KDM8: variants seen among roughly 807,000 people sequenced by gnomAD.
KDM8 encodes bifunctional peptidase and arginyl-hydroxylase JMJD5.
Under a neutral mutation model 46.9 loss-of-function variants are expected in KDM8, and 35 were observed. The observed-to-expected ratio is 0.75, with a 90% CI of 0.57 to 0.99. The LOEUF (loss-of-function observed/expected upper bound fraction) is 0.99, where lower values mean the gene tolerates loss of function less well. Ranked by LOEUF, KDM8 falls within the 50% of genes least tolerant of loss-of-function variation. The pLI is 0.00. For synonymous variants in KDM8, 232 were observed against 227.7 expected, an observed-to-expected ratio of 1.02 and a Z score of -0.17; for missense variants, 475 against 537.0, an observed-to-expected ratio of 0.88 and a Z score of 1.14.
At chr16:27,209,792 A>G (rs2083462645) in intron 1 of KDM8, among the ~76,000 whole-genome samples, 1 of 152,220 alleles carries the variant, frequency 6.6e-6, no homozygotes, top group Non-Finnish European at 1.5e-5. Context: ...TGGGCTTTAA[A>G]GGTTGGGTAG....
intron 3 of KDM8, 26 bp from the exon 4 acceptor site, chr16:27,214,850 G>A (rs751011660): frequency 6.8e-6 from 11 of 1,613,276 alleles, no homozygotes; most frequent in Admixed American, 3.3e-5. Flanking sequence ...TAGCAGTGAC[G>A]ATGCCAATGT....
intron 1 of KDM8, 79 bp from the exon 2 acceptor site, chr16:27,210,014 A>G: frequency 7.1e-7 from 1 of 1,406,638 alleles, no homozygotes; most frequent in Non-Finnish European, 9.6e-7. Context: ...CTCGCAGATG[A>G]GATGCAGGAA....
Position 27,203,535 on chromosome 16 carries a change from C to T in KDM8, c.-133C>T, listed in dbSNP as rs1195520915. 1 of 152,884 alleles carries T rather than the reference C, an allele frequency of 6.5e-6. No homozygotes were observed. Among genetic ancestry groups the T allele is most frequent in the Non-Finnish European group, 1.5e-5 (1 of 68,198 alleles). 9.5% of individuals were successfully genotyped at this position (152,884 alleles called of 1,614,324 possible). Reference sequence around the variant, plus strand: ...GCGGTGAGCGATCGATACTCCTATGCTAGCCTCTGGCTCCTCAGGGGACAC... The same window carrying T: ...GCGGTGAGCGATCGATACTCCTATGTTAGCCTCTGGCTCCTCAGGGGACAC... On this transcript the variant is annotated 5_prime_UTR_variant, in exon 1 of 8. Transcript: ENST00000286096.
In KDM8 at chr16:27,215,978, C is replaced by T. The variant is rs1339451986; in HGVS notation, c.832C>T (p.Leu278Phe). The T allele has an allele frequency of 1.9e-6, 3 of 1,614,190 alleles. No homozygotes were observed. Among genetic ancestry groups the T allele is most frequent in the East Asian group, 2.2e-5 (1 of 44,866 alleles). ...RDVGYLAQHQ[L>F]FDQIPELKQD... ...CGTCGGGTACCTTGCTCAGCACCAG[C>T]TCTTTGACCAGGTAAGTCTGAGGCC... The change falls in exon 5 of 8, where the codon CTC (leucine) becomes TTC (phenylalanine). Residue 278 changes from leucine to phenylalanine, a missense_variant. Physicochemically the swap from Leu to Phe is conservative, Grantham distance 22. Transcript: ENST00000286096.
At chr16:27,219,486 A>T (rs1361673868) in intron 6 of KDM8, among the ~76,000 whole-genome samples, 2 of 152,176 alleles carry the variant, frequency 1.3e-5, no homozygotes, top group Admixed American at 6.5e-5. Context: ...AGTCACTGGG[A>T]GGTTTTTTTC....
At chr16:27,204,236 C>T in intron 1 of KDM8, 1 of 1,422,672 alleles carries the variant, frequency 7.0e-7, no homozygotes, top group Non-Finnish European at 9.2e-7. Flanking sequence ...GCTTGTAGCT[C>T]GGTAGGACTT....
intron 1 of KDM8, among the ~76,000 whole-genome samples, chr16:27,205,617 A>T (rs1461872042): frequency 2.0e-5 from 3 of 152,080 alleles, no homozygotes; most frequent in Non-Finnish European, 4.4e-5. Flanking sequence ...CAAGCAGATC[A>T]CCCTGAGGTC....
chr16:27,204,304 C>T, intron 1 of KDM8: 3 of 1,380,618 alleles, frequency 2.2e-6, no homozygotes, highest in Non-Finnish European at 1.9e-6. Context: ...CTCAGGAGGA[C>T]TCGGGAGCAA....
intron 4 of KDM8, 107 bp from the exon 5 acceptor site, chr16:27,215,838 G>C: frequency 8.7e-7 from 1 of 1,146,318 alleles, no homozygotes; most frequent in Non-Finnish European, 1.3e-6. Context: ...GGAGTGGAAG[G>C]GTGACGGGTG....
intron 4 of KDM8, among the ~76,000 whole-genome samples, chr16:27,215,358 T>C (rs1411900900): frequency 6.6e-6 from 1 of 152,136 alleles, no homozygotes; most frequent in African/African-American, 2.4e-5. Context: ...GGCAGGCGGA[T>C]CACTTGAAAC....
intron 5 of KDM8, among the ~76,000 whole-genome samples, chr16:27,217,942 T>G (rs2083573175): frequency 6.6e-6 from 1 of 151,944 alleles, no homozygotes; most frequent in Admixed American, 6.6e-5. Flanking sequence ...CGGAGGTAAC[T>G]GAGGTGCCTG....
At position 27,218,281 on chromosome 16, in the gene KDM8, GA is replaced by G. The variant is rs201690747; in HGVS notation, c.844-670del. 9.7e-3 allele frequency among the ~76,000 whole-genome samples: 1,448 copies of G among 149,710 alleles called. 8 individuals carry two copies. Among genetic ancestry groups the G allele is most frequent in the Middle Eastern group, 0.031 (9 of 294 alleles). On this transcript the variant is annotated intron_variant, in intron 5 of 7. Transcript: ENST00000286096. ...TGGGTGACAGAACAAGACTGTCTTT[GA>G]AAAAAAAAATTACAATAAATAAATA...
At position 27,210,499 on chromosome 16, in the gene KDM8, G is replaced by T; in HGVS notation, c.376G>T (p.Gly126Cys). The T allele has an allele frequency of 6.4e-7, 1 of 1,568,126 alleles. No homozygotes were observed. The stretch of plus-strand genomic sequence containing the variant: ...CGCAGCCCTGCGGGTCTGTGACATG[G>T]GCCTGCTGATGGGGGCAGCCATCCT... ...VAAALRVCDMGLLMGAAILGD... is the reference protein window; with the variant it reads ...VAAALRVCDMCLLMGAAILGD... The change falls in exon 2 of 8, where the codon GGC (glycine) becomes TGC (cysteine). Residue 126 changes from glycine to cysteine, a missense_variant. Gly to Cys is a radical substitution (Grantham distance 159). Coordinates refer to ENST00000286096, the MANE Select transcript of KDM8 (RefSeq NM_024773.3).
rs2083525365 is a variant in KDM8, at chr16:27,214,520, G to A, written c.666-356G>A. 1.2e-5 allele frequency: 3 copies of A among 250,040 alleles called. No individual in the cohort carries two copies. In the South Asian group the frequency reaches 1.7e-4, roughly 14 times the overall value. 15.5% of individuals were successfully genotyped at this position (250,040 alleles called of 1,614,324 possible). ...CCAGGCTAGAGGGCAGAGTCCAGGA[G>A]ACTGCCACCTGCCACGCTGTCCGCT... On this transcript the variant is annotated intron_variant, in intron 3 of 7. Coordinates refer to ENST00000286096, the MANE Select transcript of KDM8 (RefSeq NM_024773.3).
intron 1 of KDM8, chr16:27,204,495 C>G (rs1441801862): frequency 4.7e-6 from 2 of 423,498 alleles, no homozygotes; most frequent in Non-Finnish European, 7.6e-6. Context: ...TTGTGGAATA[C>G]TGCCATAATA....
In KDM8 at chr16:27,204,169, G is replaced by C. The variant is rs776358675; in HGVS notation, c.-32+533G>C. 25 of 1,510,642 alleles carry C rather than the reference G, an allele frequency of 1.7e-5. No individual in the cohort carries two copies. In the South Asian group the frequency reaches 3.0e-4, roughly 18 times the overall value. The allele number at this position is 1,510,642 out of a possible 1,614,324, so 93.6% of individuals were successfully genotyped here. Reference sequence around the variant, plus strand: ...TCTGAGGCCTCGGGGCTCAAGGCCAGTGCGGGGTACGGGGGACCCTCTGGG... The same window carrying C: ...TCTGAGGCCTCGGGGCTCAAGGCCACTGCGGGGTACGGGGGACCCTCTGGG... On this transcript the variant is annotated intron_variant, in intron 1 of 7. Transcript: ENST00000286096.
At chr16:27,209,592 C>A (rs1286731236) in intron 1 of KDM8, among the ~76,000 whole-genome samples, 2 of 152,196 alleles carry the variant, frequency 1.3e-5, no homozygotes, top group Non-Finnish European at 2.9e-5. Context: ...TGCTTTTAGG[C>A]TCTGGGAAAC....
rs1289341055 is a variant in KDM8, at chr16:27,214,774, T to A, written c.666-102T>A. On this transcript the variant is annotated intron_variant, in intron 3 of 7. Coordinates refer to ENST00000286096, the MANE Select transcript of KDM8 (RefSeq NM_024773.3). The stretch of plus-strand genomic sequence containing the variant: ...GGATGACAGTCCTTGTCTCTGCACG[T>A]GAGGTTTTCCGAGGATGAAAGGGGA... The A allele has an allele frequency of 2.2e-6, 3 of 1,343,140 alleles. No homozygotes were observed. The African/African-American group carries it at 4.3e-5, about 19-fold the overall frequency. The allele number at this position is 1,343,140 out of a possible 1,614,324, so 83.2% of individuals were successfully genotyped here. A position where few individuals can be genotyped will look rare whatever the true frequency, so the allele number is the denominator to read the frequency against.
At chr16:27,218,275 G>A (rs970940719) in intron 5 of KDM8, among the ~76,000 whole-genome samples, 16 of 151,508 alleles carry the variant, frequency 1.1e-4, no homozygotes, top group African/African-American at 3.9e-4. Flanking sequence ...GAACAAGACT[G>A]TCTTTGAAAA....
Sources: gnomAD v4.1 joint callset for allele counts (sites outside exome capture counted in the v4.1 genomes callset) on GRCh38, gnomAD v4.1.1 for gene constraint, MANE v1.5 for transcripts, NCBI Gene and HGNC (gene_info 2026-07-23, HGNC 2026-07-21) for gene names.